LTN1: variants seen among roughly 807,000 people sequenced by gnomAD.
LTN1 encodes E3 ubiquitin-protein ligase listerin.
LTN1 carries 88 observed loss-of-function variants against 201.2 expected under a neutral mutation model. The observed-to-expected ratio is 0.44, with a 90% CI of 0.37 to 0.52. The LOEUF is 0.52. Among genes scored for constraint, LTN1 ranks in the 20% least tolerant of loss-of-function variants. The pLI, the probability that LTN1 is intolerant of heterozygous loss-of-function variation, is 0.00. For missense variants in LTN1, 1,752 were observed against 2,038.7 expected (o/e 0.86, Z 2.71); for synonymous variants, 645 against 713.5 (o/e 0.90, Z 1.53).
At position 28,941,449 on chromosome 21, in the gene LTN1, C is replaced by A. The variant is rs776100517; in HGVS notation, c.4296-43G>T. On this transcript the variant is annotated intron_variant, in intron 24 of 29. Transcript: ENST00000361371. ...AACACCACAAGTTTTCTTTATAATTCATTCCTTAACAAATTGACAGTACTT... is the reference window on the plus strand; with the variant it reads ...AACACCACAAGTTTTCTTTATAATTAATTCCTTAACAAATTGACAGTACTT... The A allele has an allele frequency of 2.9e-6, 4 of 1,401,782 alleles. 1 individual carries two copies. The South Asian group carries it at 5.0e-5, about 18-fold the overall frequency. The allele number at this position is 1,401,782 out of a possible 1,614,324, so 86.8% of individuals were successfully genotyped here. A position where few individuals can be genotyped will look rare whatever the true frequency, so the allele number is the denominator to read the frequency against.
intron 4 of LTN1, 37 bp downstream of exon 4, chr21:28,984,655 A>G (rs1449510619): frequency 6.5e-7 from 1 of 1,529,552 alleles, no homozygotes; most frequent in South Asian, 1.2e-5. Flanking sequence ...AAATACTTAA[A>G]AAAAAAAAAT....
At chr21:28,950,586 G>A (rs1361214201) in intron 18 of LTN1, among the ~76,000 whole-genome samples, 1 of 152,152 alleles carries the variant, frequency 6.6e-6, no homozygotes, top group Non-Finnish European at 1.5e-5. Context: ...CGTGATCTCT[G>A]CTCACTGCAA....
intron 17 of LTN1, 105 bp downstream of exon 17, chr21:28,953,112 C>T (rs1045321414): frequency 1.5e-6 from 1 of 677,316 alleles, no homozygotes; most frequent in Non-Finnish European, 2.4e-6. Context: ...TTAGATCAAT[C>T]CTCTGACTGA....
At chr21:28,958,567 G>A in intron 13 of LTN1, 28 bp from the exon 14 acceptor site, 1 of 1,530,016 alleles carries the variant, frequency 6.5e-7, no homozygotes, top group Non-Finnish European at 8.9e-7. Context: ...ACAGGAATTT[G>A]TAATCTCACT....
Position 28,928,444 on chromosome 21 carries a change from G to T in LTN1, c.*2004C>A, listed in dbSNP as rs1424953316. On this transcript the variant is annotated 3_prime_UTR_variant, in exon 30 of 30. Transcript: ENST00000361371. ...AATTTTAAAATTTGCAATTTACTTT[G>T]GGGTTTTAAATTAATAATTTTGCTA... 6.6e-6 allele frequency: 1 copy of T among 152,098 alleles called. No homozygotes were observed. Among genetic ancestry groups the T allele is most frequent in the East Asian group, 1.9e-4 (1 of 5,204 alleles). 9.4% of individuals were successfully genotyped at this position (152,098 alleles called of 1,614,324 possible). A position where few individuals can be genotyped will look rare whatever the true frequency, so the allele number is the denominator to read the frequency against.
intron 29 of LTN1, 88 bp downstream of exon 29, chr21:28,931,059 TTGTGTAGG>T: frequency 1.4e-6 from 1 of 689,666 alleles, no homozygotes; most frequent in Non-Finnish European, 2.3e-6. Context: ...AAGTTAGACA[TTGTGTAGG>T]TGTGTGTGTG....
intron 4 of LTN1, among the ~76,000 whole-genome samples, chr21:28,984,124 C>T (rs1297232627): frequency 2.6e-5 from 4 of 151,856 alleles, no homozygotes; most frequent in African/African-American, 9.7e-5. Flanking sequence ...ATTCTTTGGC[C>T]CAACATATGC....
chr21:28,985,356 G>A (rs1216562098), intron 3 of LTN1, among the ~76,000 whole-genome samples: 2 of 151,888 alleles, frequency 1.3e-5, no homozygotes. Flanking sequence ...AGTTACTCAG[G>A]AGGCTAAGGC....
chr21:28,977,335 C>G (rs910585915), intron 6 of LTN1, among the ~76,000 whole-genome samples: 1 of 146,970 alleles, frequency 6.8e-6, no homozygotes, highest in African/African-American at 2.5e-5. Flanking sequence ...GATCATGACG[C>G]TGCATTCCAG....
intron 6 of LTN1, among the ~76,000 whole-genome samples, chr21:28,979,829 G>A (rs963477894): frequency 2.0e-5 from 3 of 152,020 alleles, no homozygotes; most frequent in Admixed American, 6.6e-5. Context: ...AAAATCAGCC[G>A]GGCGTGCTGG....
chr21:28,935,622 C>T (rs781035587), intron 26 of LTN1, among the ~76,000 whole-genome samples: 16 of 151,912 alleles, frequency 1.1e-4, no homozygotes, highest in Non-Finnish European at 1.8e-4. Flanking sequence ...GGGTGGATCA[C>T]GAGATCAGGA....
intron 25 of LTN1, among the ~76,000 whole-genome samples, chr21:28,939,142 G>A (rs1458240875): frequency 6.6e-6 from 1 of 152,114 alleles, no homozygotes; most frequent in Non-Finnish European, 1.5e-5. Context: ...ATACAGTATA[G>A]CAACTATTTC....
At chr21:28,951,881 G>A (rs1438920560) in intron 18 of LTN1, among the ~76,000 whole-genome samples, 1 of 151,954 alleles carries the variant, frequency 6.6e-6, no homozygotes, top group Non-Finnish European at 1.5e-5. Context: ...GTGGTGGGAG[G>A]ATCACTTGAC....
At chr21:28,957,980 G>A (rs1292188283) in intron 14 of LTN1, among the ~76,000 whole-genome samples, 2 of 152,188 alleles carry the variant, frequency 1.3e-5, no homozygotes, top group Non-Finnish European at 2.9e-5. Context: ...ACAAAGGATA[G>A]TATCACCATC....
intron 11 of LTN1, 91 bp from the exon 12 acceptor site, chr21:28,960,797 G>A (rs371610926): frequency 1.2e-5 from 10 of 833,516 alleles, no homozygotes; most frequent in East Asian, 5.4e-5. Flanking sequence ...CTATCCCTTC[G>A]TTATCATGGC....
chr21:28,986,768 C>T lies in LTN1; in HGVS notation c.209G>A (p.Arg70Gln), dbSNP rs1477853095. Residue 70 changes from arginine (R) to glutamine (Q), a missense_variant, in exon 2 of 30, where the codon CGG (arginine) becomes CAG (glutamine). Coordinates refer to ENST00000361371, the MANE Select transcript of LTN1 (RefSeq NM_015565.3). The surrounding 1 kb of genome is among the most constrained non-coding windows in gnomAD (Gnocchi z 4.1). ...GGTGACATCTTTCTTTGAAAGTTTC[C>T]GCAGCACCATTCGGAAATCAGAATC... ...LVDSDFRMVL[R>Q]KLSKKDVTTK... is the part of the protein sequence containing the mutation. 7 of 1,613,880 alleles carry T rather than the reference C, an allele frequency of 4.3e-6. No individual in the cohort carries two copies. The East Asian group carries it at 6.7e-5, about 15-fold the overall frequency.
At chr21:28,952,109 A>G (rs369614291) in intron 18 of LTN1, 51 bp downstream of exon 18, 120 of 1,088,922 alleles carry the variant, frequency 1.1e-4, no homozygotes, top group Non-Finnish European at 1.5e-4. Flanking sequence ...GGGTTGCCAA[A>G]GTGACCGATT....
rs2084388051 is a variant in LTN1 at position 28,952,198 on chromosome 21, T to A, written c.3306A>T (p.Ser1102=). The part of the protein sequence containing the change: ...IAKLILSRSI[S]SDEVKPHYKR... ...TATAATGTGGTTTTACTTCATCAGA[T>A]GAAATGCTTCGGGAAAGGATCAACT... Residue 1102 remains serine (S), a synonymous_variant, in exon 18 of 30, where the codon TCA becomes TCT. Coordinates refer to ENST00000361371, the MANE Select transcript of LTN1 (RefSeq NM_015565.3). 3.1e-6 allele frequency: 5 copies of A among 1,609,992 alleles called. No homozygotes were observed. The East Asian group carries it at 1.1e-4, about 36-fold the overall frequency.
At chr21:28,972,124 C>T (rs1479985062) in intron 6 of LTN1, among the ~76,000 whole-genome samples, 1 of 152,040 alleles carries the variant, frequency 6.6e-6, no homozygotes, top group Non-Finnish European at 1.5e-5. Flanking sequence ...AGGGCCCTTA[C>T]AAAAGGGTAT....
Sources: gnomAD v4.1 joint callset for allele counts (sites outside exome capture counted in the v4.1 genomes callset) on GRCh38, gnomAD v4.1.1 for gene constraint, Gnocchi (gnomAD v3.1) non-coding constraint, MANE v1.5 for transcripts, NCBI Gene and HGNC (gene_info 2026-07-23, HGNC 2026-07-21) for gene names.